SKP2: variants seen among roughly 807,000 people sequenced by gnomAD.
SKP2 encodes the protein S-phase kinase-associated protein 2.
Under a neutral mutation model 51.8 loss-of-function variants are expected in SKP2, and 16 were observed. That is an observed-to-expected ratio of 0.31 (90% CI 0.21 to 0.47). The LOEUF (loss-of-function observed/expected upper bound fraction) is 0.47. SKP2 is among the 20% of genes least tolerant of loss of function. The pLI is 1.00. For missense variants in SKP2, 377 were observed against 505.3 expected, an observed-to-expected ratio of 0.75 and a Z score of 2.43; for synonymous variants, 176 against 198.6, an observed-to-expected ratio of 0.89 and a Z score of 0.96.
downstream of SKP2, among the ~76,000 whole-genome samples, chr5:36,187,213 G>A (rs1479713102): frequency 6.6e-6 from 1 of 151,826 alleles, no homozygotes; most frequent in South Asian, 2.1e-4. Flanking sequence ...TTTTTTGAAG[G>A]CTTTTTTGTG....
intron 2 of SKP2, among the ~76,000 whole-genome samples, chr5:36,161,309 G>A (rs80219128): frequency 8.9e-6 from 1 of 111,968 alleles, no homozygotes; most frequent in Non-Finnish European, 2.0e-5. Flanking sequence ...AAAAAAAAAA[G>A]CGTTTTTGTT....
intron 9 of SKP2, 102 bp from the exon 10 acceptor site, chr5:36,181,716 C>A: frequency 8.5e-7 from 1 of 1,182,628 alleles, no homozygotes; most frequent in Non-Finnish European, 1.2e-6. Context: ...TTTCAGACTG[C>A]ATTTTGTAGA....
intron 6 of SKP2, 23 bp from the exon 7 acceptor site, chr5:36,171,580 T>C: frequency 6.2e-7 from 1 of 1,609,480 alleles, no homozygotes; most frequent in Non-Finnish European, 8.5e-7. Flanking sequence ...TCATATTTTG[T>C]TTATTACCCC....
chr5:36,188,464 G>A (rs1466194264), downstream of SKP2, among the ~76,000 whole-genome samples: 1 of 152,152 alleles, frequency 6.6e-6, no homozygotes, highest in African/African-American at 2.4e-5. Flanking sequence ...GTCTGTAAAG[G>A]ATTTTATTTT....
At chr5:36,189,959 C>T (rs571110026) in intron 6 of SKP2, among the ~76,000 whole-genome samples, 15 of 152,270 alleles carry the variant, frequency 9.9e-5, no homozygotes, top group African/African-American at 2.9e-4. Flanking sequence ...CCTTGCAGTT[C>T]GATCTCAGAC....
intron 2 of SKP2, among the ~76,000 whole-genome samples, 200 bp downstream of exon 2, chr5:36,153,242 A>G (rs1579543015): frequency 1.5e-5 from 2 of 132,918 alleles, no homozygotes; most frequent in African/African-American, 5.6e-5. Flanking sequence ...ATATATATAT[A>G]TGTATGTTCT....
intron 2 of SKP2, among the ~76,000 whole-genome samples, chr5:36,154,415 C>T (rs771994656): frequency 6.6e-6 from 1 of 152,140 alleles, no homozygotes; most frequent in East Asian, 1.9e-4. Context: ...CGGGGGAGAT[C>T]AGGCTGGAGG....
chr5:36,162,927 G>A (rs1214809545), intron 2 of SKP2, among the ~76,000 whole-genome samples: 2 of 152,078 alleles, frequency 1.3e-5, no homozygotes, highest in African/African-American at 2.4e-5. Context: ...AAGGGGTCGG[G>A]GAAGCCACTT....
At chr5:36,170,505 C>G in intron 6 of SKP2, 63 bp downstream of exon 6, 1 of 1,012,574 alleles carries the variant, frequency 9.9e-7, no homozygotes. Context: ...TCCCTCACAT[C>G]TGTATAAAAT....
Position 36,181,816 on chromosome 5 carries a change from A to G in SKP2, c.1062-2A>G. 1 of 1,613,802 alleles carries G rather than the reference A, an allele frequency of 6.2e-7. No homozygotes were observed. Among genetic ancestry groups the G allele is most frequent in the African/African-American group, 1.3e-5 (1 of 75,046 alleles). On this transcript the variant is annotated splice_acceptor_variant, in intron 9 of 9. Coordinates refer to ENST00000274255, the MANE Select transcript of SKP2 (RefSeq NM_005983.4). LOFTEE classifies it high-confidence loss of function. ...TCTGAAAGTCTTTTTCTTCCTTTCC[A>G]GTGAACTTGGAGAAATTCCCACACT...
At chr5:36,154,489 T>C (rs1744876228) in intron 2 of SKP2, among the ~76,000 whole-genome samples, 1 of 152,154 alleles carries the variant, frequency 6.6e-6, no homozygotes, top group African/African-American at 2.4e-5. Flanking sequence ...ACTGATGTGT[T>C]GAGACTCAGC....
At chr5:36,177,322 A>C (rs761432322) in intron 9 of SKP2, 30 bp downstream of exon 9, 4 of 1,323,050 alleles carry the variant, frequency 3.0e-6, no homozygotes, top group Non-Finnish European at 3.3e-6. Context: ...AATGCTTAAT[A>C]GAAGGCAGGA....
At position 36,152,943 on chromosome 5, in the gene SKP2, C is replaced by T; in HGVS notation, c.181C>T (p.His61Tyr). ...IPQELLSNLGHPESPPRKRLK... is the reference protein window; with the variant it reads ...IPQELLSNLGYPESPPRKRLK... Reference sequence around the variant, plus strand: ...CCAGGAACTGCTCTCAAACCTGGGCCACCCGGAGAGCCCCCCACGGAAACG... The same window carrying T: ...CCAGGAACTGCTCTCAAACCTGGGCTACCCGGAGAGCCCCCCACGGAAACG... Residue 61 changes from histidine (H) to tyrosine (Y), a missense_variant, in exon 2 of 10, where the codon CAC becomes TAC. Physicochemically the swap from His to Tyr is moderately conservative, Grantham distance 83. Around this residue, in one of 2 missense-constraint regions of SKP2, gnomAD observed 115 missense variants for 115.5 expected, o/e 1.00. Transcript: ENST00000274255. The T allele has an allele frequency of 1.9e-6, 3 of 1,614,074 alleles. No individual in the cohort carries two copies. Among genetic ancestry groups the T allele is most frequent in the Non-Finnish European group, 2.5e-6 (3 of 1,180,018 alleles).
At chr5:36,187,974 C>G (rs1745972037), downstream of SKP2, among the ~76,000 whole-genome samples, 1 of 152,302 alleles carries the variant, frequency 6.6e-6, no homozygotes, top group South Asian at 2.1e-4. Flanking sequence ...GAATTGATCC[C>G]TTTACCATTA....
Position 36,182,071 on chromosome 5 carries a change from G to C in SKP2, c.*40G>C. ...GATGGTGTCTCTTCTTTAGAACAGGGAAAATAGGCAGGAAGCCCAATTGCT... is the reference window on the plus strand; with the variant it reads ...GATGGTGTCTCTTCTTTAGAACAGGCAAAATAGGCAGGAAGCCCAATTGCT... On this transcript the variant is annotated 3_prime_UTR_variant, in exon 10 of 10. Coordinates refer to ENST00000274255, the MANE Select transcript of SKP2 (RefSeq NM_005983.4). The C allele has an allele frequency of 6.2e-7, 1 of 1,601,466 alleles. No individual in the cohort carries two copies. Among genetic ancestry groups the C allele is most frequent in the South Asian group, 1.1e-5 (1 of 90,022 alleles).
At chr5:36,177,496 T>G (rs1284312019) in intron 9 of SKP2, 28 of 649,890 alleles carry the variant, frequency 4.3e-5, no homozygotes, top group Non-Finnish European at 7.7e-5. Context: ...AAACATTTAT[T>G]GTTTAGCTGT....
At chr5:36,168,592 T>C (rs1745369912) in intron 5 of SKP2, 145 bp downstream of exon 5, 1 of 720,182 alleles carries the variant, frequency 1.4e-6, no homozygotes, top group East Asian at 2.7e-5. Context: ...TGCAAAACTT[T>C]TCAGGACTCA....
At chr5:36,167,095 A>G (rs12187993) in intron 4 of SKP2, among the ~76,000 whole-genome samples, 2,113 of 152,148 alleles carry the variant, frequency 0.014, 33 homozygotes, top group South Asian at 0.025. Context: ...TCTTGGAGAA[A>G]TTTGGAACCT....
intron 2 of SKP2, among the ~76,000 whole-genome samples, chr5:36,162,382 T>C (rs2111965666): frequency 6.6e-6 from 1 of 152,380 alleles, no homozygotes; most frequent in Non-Finnish European, 1.5e-5. Flanking sequence ...CTTTGCTTAG[T>C]GATCGTCATC....
Sources: gnomAD v4.1 joint callset for allele counts (sites outside exome capture counted in the v4.1 genomes callset) on GRCh38, gnomAD v4.1.1 for gene constraint, gnomAD v4.1.1 regional missense constraint, MANE v1.5 for transcripts, NCBI Gene and HGNC (gene_info 2026-07-23, HGNC 2026-07-21) for gene names.